The following HLCS variants were observed in gnomAD, a reference collection of about 807,000 sequenced individuals.
HLCS encodes the protein holocarboxylase synthetase.
A neutral mutation model predicts 75.0 loss-of-function variants in HLCS; 53 were observed. The ratio of observed to expected loss-of-function variants is 0.71; its 90% CI spans 0.57 to 0.89. HLCS has a LOEUF of 0.89. HLCS is among the 40% of genes least tolerant of loss of function. HLCS has a pLI of 0.00. For synonymous variants in HLCS, 431 were observed against 428.6 expected, an observed-to-expected ratio of 1.01 and a Z score of -0.07; for missense variants, 966 against 1,074.0, an observed-to-expected ratio of 0.90 and a Z score of 1.41.
At chr21:36,874,141 TCAC>T (rs2063868611) in intron 6 of HLCS, among the ~76,000 whole-genome samples, 1 of 152,190 alleles carries the variant, frequency 6.6e-6, no homozygotes, top group Non-Finnish European at 1.5e-5. Context: ...ACTTACTGTA[TCAC>T]CACTTCTTGA....
chr21:36,889,973 G>T (rs2064704674), intron 6 of HLCS, among the ~76,000 whole-genome samples: 1 of 152,176 alleles, frequency 6.6e-6, no homozygotes, highest in Non-Finnish European at 1.5e-5. Context: ...GAGACTGGGT[G>T]GAGGTAATCG....
chr21:36,818,822 A>G (rs2061739779), intron 6 of HLCS, among the ~76,000 whole-genome samples: 1 of 152,232 alleles, frequency 6.6e-6, no homozygotes, highest in Non-Finnish European at 1.5e-5. Flanking sequence ...GAGCATTTAT[A>G]CAGGCATTTA....
rs756554939 is a variant in HLCS, at chr21:36,896,830, T to G, written c.1892+30A>C. On this transcript the variant is annotated intron_variant, in intron 6 of 10. Coordinates refer to ENST00000674895, the MANE Select transcript of HLCS (RefSeq NM_001352514.2). ...GATGATCAATGGAACAGGACTCCTC[T>G]GAGCAGATGCAGACCTGCTCACACC... is the stretch of plus-strand genomic sequence containing the variant. 3.1e-6 allele frequency: 5 copies of G among 1,612,966 alleles called. No homozygotes were observed. The East Asian group carries it at 1.1e-4, about 36-fold the overall frequency.
chr21:36,803,278 C>G (rs2061262941), intron 6 of HLCS, among the ~76,000 whole-genome samples: 1 of 152,236 alleles, frequency 6.6e-6, no homozygotes, highest in Non-Finnish European at 1.5e-5. Context: ...TGCAGGCAGG[C>G]AGCAGGGAGG....
At chr21:36,941,700 T>A (rs140468345) in intron 2 of HLCS, among the ~76,000 whole-genome samples, 1 of 152,000 alleles carries the variant, frequency 6.6e-6, no homozygotes, top group African/African-American at 2.4e-5. Flanking sequence ...TGAAACCCCA[T>A]CTCTACTAAA....
intron 6 of HLCS, among the ~76,000 whole-genome samples, chr21:36,845,157 C>T (rs908404798): frequency 1.3e-5 from 2 of 152,084 alleles, no homozygotes. Flanking sequence ...AGAAAACTTT[C>T]TGTTCAAAGA....
At chr21:36,888,443 AAAATATATATATATATATATATATAT>A (rs1294147517) in intron 6 of HLCS, among the ~76,000 whole-genome samples, 20 of 28,310 alleles carry the variant, frequency 7.1e-4, no homozygotes, top group African/African-American at 2.1e-3. Flanking sequence ...AAAAAAAAAA[AAAATATATATATATATATATATATAT>A]ATATATATAT....
At chr21:36,865,104 GGCGGGGCAGGGTGGGGT>G (rs1358316668) in intron 6 of HLCS, among the ~76,000 whole-genome samples, 1 of 151,962 alleles carries the variant, frequency 6.6e-6, no homozygotes, top group Non-Finnish European at 1.5e-5. Flanking sequence ...TCAGTTGTGG[GGCGGGGCAGGGTGGGGT>G]GCGTGGCAGT....
At chr21:36,836,463 T>A in intron 6 of HLCS, among the ~76,000 whole-genome samples, 1 of 59,886 alleles carries the variant, frequency 1.7e-5, no homozygotes, top group Non-Finnish European at 3.0e-5. Context: ...CCCTCCCCCC[T>A]CCCCCCACCC....
At chr21:36,970,227 G>A (rs1186696726), upstream of HLCS, among the ~76,000 whole-genome samples, 1 of 152,116 alleles carries the variant, frequency 6.6e-6, no homozygotes, top group African/African-American at 2.4e-5. Flanking sequence ...GAGCTGAGAA[G>A]GATAGCTTGT....
upstream of HLCS, among the ~76,000 whole-genome samples, chr21:36,971,003 A>AG (rs1569267048): frequency 2.9e-5 from 4 of 138,784 alleles, no homozygotes; most frequent in Non-Finnish European, 6.4e-5. Flanking sequence ...CAAAAAAAAA[A>AG]AAAGAAAGAA....
chr21:36,865,012 T>C (rs918471842), intron 6 of HLCS, among the ~76,000 whole-genome samples: 1 of 151,880 alleles, frequency 6.6e-6, no homozygotes, highest in Non-Finnish European at 1.5e-5. Flanking sequence ...CAATATTTCA[T>C]GTTGCCCTGT....
chr21:36,914,167 C>T (rs1254847277), intron 5 of HLCS, among the ~76,000 whole-genome samples: 3 of 152,174 alleles, frequency 2.0e-5, no homozygotes, highest in African/African-American at 4.8e-5. Context: ...AGGGATGGGC[C>T]GACAGGTGAA....
chr21:36,845,727 C>T (rs2062775004), intron 6 of HLCS, among the ~76,000 whole-genome samples: 1 of 152,188 alleles, frequency 6.6e-6, no homozygotes. Flanking sequence ...TCTCTTAAAG[C>T]TGCACGTGTA....
At chr21:36,800,348 C>A (rs2061161492) in intron 6 of HLCS, among the ~76,000 whole-genome samples, 1 of 152,118 alleles carries the variant, frequency 6.6e-6, no homozygotes. Flanking sequence ...CAAAGAGACA[C>A]AAAGAAACAG....
At chr21:36,876,340 A>T (rs965320656) in intron 6 of HLCS, among the ~76,000 whole-genome samples, 43 of 152,270 alleles carry the variant, frequency 2.8e-4, no homozygotes, top group Middle Eastern at 3.4e-3. Context: ...ATTTCCACAA[A>T]AATACCTGCC....
At chr21:36,862,820 A>G (rs747686491) in intron 6 of HLCS, among the ~76,000 whole-genome samples, 2 of 151,912 alleles carry the variant, frequency 1.3e-5, no homozygotes, top group Non-Finnish European at 2.9e-5. Context: ...AGGCCTGGAG[A>G]CTCACCAAAA....
chr21:36,966,004 T>C (rs12626655), intron 1 of HLCS, among the ~76,000 whole-genome samples: 92,701 of 151,926 alleles, frequency 0.61, 28,575 homozygotes, highest in East Asian at 0.75. Flanking sequence ...AAGCTGTCCT[T>C]CCTCCTAGGC....
intron 6 of HLCS, chr21:36,896,459 C>T (rs1004970116): frequency 3.7e-6 from 1 of 273,066 alleles, no homozygotes; most frequent in Non-Finnish European, 7.0e-6. Context: ...GTCATTCAAA[C>T]TTCCTATTCA....
Sources: allele counts gnomAD v4.1 joint callset (sites outside exome capture counted in the v4.1 genomes callset), GRCh38; gene constraint gnomAD v4.1.1; transcripts MANE v1.5; gene names NCBI Gene and HGNC (gene_info 2026-07-23, HGNC 2026-07-21).